Variants in ZC3H12D observed in about 807,000 individuals in gnomAD.
ZC3H12D encodes the protein zinc finger CCCH-type containing 12D, also known as probable ribonuclease ZC3H12D.
ZC3H12D carries 11 observed loss-of-function variants against 24.2 expected under a neutral mutation model. The ratio of observed to expected loss-of-function variants is 0.46; its 90% CI spans 0.29 to 0.75. ZC3H12D has a LOEUF of 0.75. Among genes scored for constraint, ZC3H12D ranks in the 30% least tolerant of loss-of-function variants. The pLI, the probability that ZC3H12D is intolerant of heterozygous loss-of-function variation, is 0.11. For missense variants in ZC3H12D, 740 were observed against 767.7 expected (o/e 0.96, Z 0.43); for synonymous variants, 333 against 341.8 (o/e 0.97, Z 0.28).
chr6:149,451,939 C>G (rs1243127413), intron 5 of ZC3H12D, among the ~76,000 whole-genome samples: 2 of 152,232 alleles, frequency 1.3e-5, no homozygotes, highest in African/African-American at 2.4e-5. Flanking sequence ...TCTCCGTGTT[C>G]GCTGTGCTAA....
At chr6:149,473,154 A>C (rs420099) in intron 2 of ZC3H12D, among the ~76,000 whole-genome samples, 33,968 of 78,352 alleles carry the variant, frequency 0.43, 5,192 homozygotes, top group East Asian at 0.77. Flanking sequence ...AAAAAACTCA[A>C]AGTACACACC....
chr6:149,474,320 C>A lies in ZC3H12D; in HGVS notation c.224G>T (p.Gly75Val). The A allele has an allele frequency of 6.3e-7, 1 of 1,594,152 alleles. No individual in the cohort carries two copies. The highest frequency in any genetic ancestry group is 8.6e-7 in the Non-Finnish European group (1 of 1,166,158). The change falls in exon 2 of 6, where the codon GGG (glycine) becomes GTG (valine). Residue 75 changes from glycine to valine, a missense_variant. By Grantham distance (109) the Gly-to-Val change is moderately radical. Transcript: ENST00000409806. The part of the protein sequence containing the change: ...GVPDSAQRGP[G>V]TALEEDFRTL... ...TCTGAAGTCCTCTTCCAGGGCTGTC[C>A]CCGGGCCACGCTGGGCAGAGTCCGG...
intron 2 of ZC3H12D, among the ~76,000 whole-genome samples, chr6:149,472,195 G>T (rs1011539262): frequency 5.9e-5 from 9 of 152,162 alleles, no homozygotes; most frequent in Non-Finnish European, 7.3e-5. Flanking sequence ...GCAGAGGATG[G>T]GGTGGAACCT....
intron 1 of ZC3H12D, among the ~76,000 whole-genome samples, chr6:149,476,035 C>A (rs1055083573): frequency 1.1e-4 from 17 of 152,096 alleles, no homozygotes; most frequent in African/African-American, 4.1e-4. Flanking sequence ...TCCTACACAC[C>A]CCAAACCCAC....
At chr6:149,461,385 T>C (rs1476945425) in intron 3 of ZC3H12D, among the ~76,000 whole-genome samples, 1 of 145,502 alleles carries the variant, frequency 6.9e-6, no homozygotes, top group Non-Finnish European at 1.5e-5. Flanking sequence ...GTCTCAGTTT[T>C]CTTCTTCTTT....
Position 149,470,529 on chromosome 6 carries a change from G to A in ZC3H12D, c.305+3710C>T, listed in dbSNP as rs187320335. On this transcript the variant is annotated intron_variant, in intron 2 of 5. Transcript: ENST00000409806. ...TAGCCTGGCAAAAGAGCAAGACTCCGTCTGAAGAAAAAAAAAATAAAAATA... is the reference window on the plus strand; with the variant it reads ...TAGCCTGGCAAAAGAGCAAGACTCCATCTGAAGAAAAAAAAAATAAAAATA... Among the ~76,000 whole-genome samples, 727 of 140,334 alleles carry A rather than the reference G, an allele frequency of 5.2e-3. 7 individuals carry two copies. Among genetic ancestry groups the A allele is most frequent in the African/African-American group, 0.019 (681 of 36,032 alleles). 92.1% of individuals were successfully genotyped at this position (140,334 alleles called of 152,430 possible).
At chr6:149,453,142 A>T (rs996182426) in intron 4 of ZC3H12D, among the ~76,000 whole-genome samples, 4 of 151,708 alleles carry the variant, frequency 2.6e-5, no homozygotes, top group African/African-American at 4.8e-5. Context: ...AAAAAAAAAA[A>T]AAAAGAAAAT....
chr6:149,457,016 C>A (rs905096383), intron 3 of ZC3H12D, 116 bp from the exon 4 acceptor site: 8 of 1,028,224 alleles, frequency 7.8e-6, no homozygotes, highest in Admixed American at 5.4e-5. Flanking sequence ...TTGAGGGGAG[C>A]GGGGAAAAAA....
intron 1 of ZC3H12D, among the ~76,000 whole-genome samples, chr6:149,475,510 G>A (rs1185428999): frequency 1.3e-5 from 2 of 152,222 alleles, no homozygotes; most frequent in African/African-American, 4.8e-5. Context: ...GAGGTCAGGA[G>A]ATAGAGACCA....
At chr6:149,459,985 T>C (rs1033172225) in intron 3 of ZC3H12D, among the ~76,000 whole-genome samples, 1 of 152,236 alleles carries the variant, frequency 6.6e-6, no homozygotes, top group African/African-American at 2.4e-5. Flanking sequence ...CATAAGACTA[T>C]AACAGAGTTG....
rs1283344084 is a variant in ZC3H12D, at chr6:149,474,336, C to G, written c.208G>C (p.Ala70Pro). ...AGGGCTGTCCCCGGGCCACGCTGGG[C>G]AGAGTCCGGGACCCCACAGGAGCCC... ...PRGSCGVPDSAQRGPGTALEE... is the reference protein window; with the variant it reads ...PRGSCGVPDSPQRGPGTALEE... The change falls in exon 2 of 6, where the codon GCC (alanine) becomes CCC (proline). Residue 70 changes from alanine to proline, a missense_variant. Physicochemically the swap from Ala to Pro is conservative, Grantham distance 27. Transcript: ENST00000409806. The G allele has an allele frequency of 6.2e-7, 1 of 1,601,760 alleles. No individual in the cohort carries two copies. Among genetic ancestry groups the G allele is most frequent in the South Asian group, 1.1e-5 (1 of 90,132 alleles).
chr6:149,452,321 C>T lies in ZC3H12D; in HGVS notation c.787+295G>A, dbSNP rs142583729. 1.4e-3 allele frequency: 446 copies of T among 329,046 alleles called. 2 individuals are homozygous for T. Among genetic ancestry groups the T allele is most frequent in the African/African-American group, 7.1e-3 (332 of 46,922 alleles). The allele number at this position is 329,046 out of a possible 1,614,324, so 20.4% of individuals were successfully genotyped here. On this transcript the variant is annotated intron_variant, in intron 5 of 5. Transcript: ENST00000409806. This position sits in a 1 kb window ranked among gnomAD's most constrained non-coding sequence, Gnocchi z 4.0. The stretch of plus-strand genomic sequence containing the variant: ...GGGGCCAGGTGAAGGGACTGAGACC[C>T]GCAGCTGGGTTTGTGTCCAGGCTCC...
In ZC3H12D at chr6:149,446,886, T is replaced by A. The variant is rs536903176; in HGVS notation, c.*3797A>T. 1 of 152,252 alleles carries A rather than the reference T, an allele frequency of 6.6e-6. No individual in the cohort carries two copies. Among genetic ancestry groups the A allele is most frequent in the Non-Finnish European group, 1.5e-5 (1 of 68,110 alleles). 9.4% of individuals were successfully genotyped at this position (152,252 alleles called of 1,614,324 possible). ...TCCTCAACCCCTGACATTCTACAGT[T>A]CTACCCCAAACCCCCTTCCAGAGGC... On this transcript the variant is annotated 3_prime_UTR_variant, in exon 6 of 6. Transcript: ENST00000409806.
intron 1 of ZC3H12D, among the ~76,000 whole-genome samples, 178 bp from the exon 2 acceptor site, chr6:149,474,791 C>T (rs752237356): frequency 6.6e-6 from 1 of 152,228 alleles, no homozygotes; most frequent in Non-Finnish European, 1.5e-5. Context: ...AATCACGCTG[C>T]TTTCACAGTG....
chr6:149,472,948 C>A (rs1485583917), intron 2 of ZC3H12D, among the ~76,000 whole-genome samples: 2 of 152,106 alleles, frequency 1.3e-5, no homozygotes, highest in Non-Finnish European at 2.9e-5. Flanking sequence ...CTTAAAAATC[C>A]TTTTAGCTTC....
At chr6:149,455,267 C>A (rs1011346875) in intron 4 of ZC3H12D, among the ~76,000 whole-genome samples, 2 of 152,214 alleles carry the variant, frequency 1.3e-5, no homozygotes, top group African/African-American at 4.8e-5. Context: ...ATCGACCCTT[C>A]CCCAGCCATA....
At position 149,456,553 on chromosome 6, in the gene ZC3H12D, G is replaced by T. The variant is rs1583184803; in HGVS notation, c.680+113C>A. ...CTGGGGGAGCTCTGTCTGAGGGGCT[G>T]GGTGACCGGGTGACCCCAAGCTCCT... On this transcript the variant is annotated intron_variant, in intron 4 of 5. Transcript: ENST00000409806. The surrounding 1 kb of genome is among the most constrained non-coding windows in gnomAD (Gnocchi z 4.3). The T allele has an allele frequency of 1.1e-6, 1 of 881,210 alleles. No homozygotes were observed. The highest frequency in any genetic ancestry group is 1.7e-6 in the Non-Finnish European group (1 of 574,062). 54.6% of individuals were successfully genotyped at this position (881,210 alleles called of 1,614,324 possible).
Position 149,448,349 on chromosome 6 carries a change from A to T in ZC3H12D, c.*2334T>A, listed in dbSNP as rs1362058886. 2 of 152,094 alleles carry T rather than the reference A, an allele frequency of 1.3e-5. No homozygotes were observed. Among genetic ancestry groups the T allele is most frequent in the Non-Finnish European group, 2.9e-5 (2 of 68,032 alleles). 9.4% of individuals were successfully genotyped at this position (152,094 alleles called of 1,614,324 possible). ...AAATAAAGGCCCGTTGAGGTGGCTC[A>T]TGCCTGTAATCCCAACGCTTTGGGT... On this transcript the variant is annotated 3_prime_UTR_variant, in exon 6 of 6. Transcript: ENST00000409806.
intron 2 of ZC3H12D, among the ~76,000 whole-genome samples, chr6:149,466,673 C>G (rs1021701845): frequency 9.9e-5 from 15 of 151,178 alleles, no homozygotes; most frequent in Non-Finnish European, 4.4e-5. Flanking sequence ...GTCAGGAGTT[C>G]GAGACCAGCC....
Sources: allele counts gnomAD v4.1 joint callset (sites outside exome capture counted in the v4.1 genomes callset), GRCh38; gene constraint gnomAD v4.1.1; non-coding constraint Gnocchi (gnomAD v3.1); transcripts MANE v1.5; gene names NCBI Gene and HGNC (gene_info 2026-07-23, HGNC 2026-07-21).